NELL2: variants seen among roughly 807,000 people sequenced by gnomAD.
NELL2 encodes protein kinase C-binding protein NELL2.
A neutral mutation model predicts 109.6 loss-of-function variants in NELL2; 41 were observed. The ratio of observed to expected loss-of-function variants is 0.37; its 90% CI spans 0.29 to 0.49. NELL2 has a LOEUF of 0.49. Ranked by LOEUF, NELL2 falls within the 20% of genes least tolerant of loss-of-function variation. NELL2 has a pLI of 0.98. For missense variants in NELL2, 900 were observed against 1,008.3 expected (o/e 0.89, Z 1.45); for synonymous variants, 355 against 344.7 (o/e 1.03, Z -0.33).
chr12:44,636,203 T>C (rs1452419885), intron 13 of NELL2, among the ~76,000 whole-genome samples: 1 of 152,160 alleles, frequency 6.6e-6, no homozygotes, highest in East Asian at 1.9e-4. Context: ...TGGGGTGTTC[T>C]ACATATACCA....
At chr12:44,551,416 T>A (rs554738190) in intron 15 of NELL2, among the ~76,000 whole-genome samples, 2 of 152,318 alleles carry the variant, frequency 1.3e-5, no homozygotes, top group Non-Finnish European at 2.9e-5. Context: ...CTCATGAGAA[T>A]CTGCTAATTA....
chr12:44,537,613 A>G (rs2139022177), intron 15 of NELL2, among the ~76,000 whole-genome samples: 1 of 152,278 alleles, frequency 6.6e-6, no homozygotes, highest in South Asian at 2.1e-4. Context: ...GTTAAATTAT[A>G]TTGATAAACA....
intron 12 of NELL2, among the ~76,000 whole-genome samples, chr12:44,699,281 T>C (rs372792612): frequency 6.6e-6 from 1 of 152,100 alleles, no homozygotes; most frequent in East Asian, 1.9e-4. Context: ...GTGATAAGCA[T>C]GCAGTTAACA....
Position 44,544,404 on chromosome 12 carries a change from C to G in NELL2, c.1664-11683G>C, listed in dbSNP as rs191082407. Among the ~76,000 whole-genome samples the G allele has an allele frequency of 2.3e-3, 356 of 152,212 alleles. 1 individual carries two copies. Among genetic ancestry groups the G allele is most frequent in the Non-Finnish European group, 4.1e-3 (279 of 67,980 alleles). On this transcript the variant is annotated intron_variant, in intron 15 of 19. Coordinates refer to ENST00000429094, the MANE Select transcript of NELL2 (RefSeq NM_001145108.2). Reference sequence around the variant, plus strand: ...TTCAGAAGAGAATTAAACCCTAACACACCCTCGTAAGCATGGATAAACTTA... The same window carrying G: ...TTCAGAAGAGAATTAAACCCTAACAGACCCTCGTAAGCATGGATAAACTTA...
intron 13 of NELL2, among the ~76,000 whole-genome samples, chr12:44,633,692 ATGACG>A (rs1232769545): frequency 6.6e-6 from 1 of 152,186 alleles, no homozygotes; most frequent in African/African-American, 2.4e-5. Flanking sequence ...GTAGATTCAT[ATGACG>A]TTCTCCAATA....
chr12:44,764,322 T>C (rs1052309976), intron 9 of NELL2, among the ~76,000 whole-genome samples: 1 of 152,202 alleles, frequency 6.6e-6, no homozygotes, highest in Admixed American at 6.5e-5. Context: ...TCAGAATTGA[T>C]AGTTTCTGTT....
intron 13 of NELL2, among the ~76,000 whole-genome samples, chr12:44,664,334 A>G (rs1027458130): frequency 6.6e-6 from 1 of 152,054 alleles, no homozygotes; most frequent in African/African-American, 2.4e-5. Context: ...AATATCTTCT[A>G]CCTCCAGGAT....
intron 1 of NELL2, among the ~76,000 whole-genome samples, chr12:44,905,443 C>T (rs189624917): frequency 3.3e-5 from 5 of 152,026 alleles, no homozygotes; most frequent in East Asian, 1.9e-4. Context: ...TTACATGAGA[C>T]GACTCTAATT....
chr12:44,533,312 A>G (rs1366395125), intron 15 of NELL2, among the ~76,000 whole-genome samples: 3 of 152,184 alleles, frequency 2.0e-5, no homozygotes, highest in African/African-American at 7.2e-5. Flanking sequence ...ACTCTAATAT[A>G]GATGACAATA....
intron 15 of NELL2, among the ~76,000 whole-genome samples, chr12:44,558,023 T>C (rs1468637169): frequency 4.6e-5 from 7 of 151,998 alleles, no homozygotes; most frequent in African/African-American, 1.7e-4. Flanking sequence ...GAATGGAACA[T>C]CAAGAAAATA....
intron 19 of NELL2, among the ~76,000 whole-genome samples, chr12:44,519,103 G>A (rs1007640047): frequency 6.6e-6 from 1 of 151,958 alleles, no homozygotes; most frequent in Admixed American, 6.6e-5. Context: ...TTGCTCTGTA[G>A]GAAAAAAATT....
chr12:44,711,370 T>C lies in NELL2; in HGVS notation c.1111A>G (p.Ser371Gly). The C allele has an allele frequency of 6.2e-7, 1 of 1,612,424 alleles. No homozygotes were observed. Among genetic ancestry groups the C allele is most frequent in the African/African-American group, 1.3e-5 (1 of 74,962 alleles). ...CAATCCAAAGCTGGACAGCCTGAACTCTCAACAAGTTTCATGGTCTGGTCC... is the reference window on the plus strand; with the variant it reads ...CAATCCAAAGCTGGACAGCCTGAACCCTCAACAAGTTTCATGGTCTGGTCC... ...CKDQTMKLVE[S>G]SGCPALDCPE... The change falls in exon 11 of 20, where the codon AGT becomes GGT. Residue 371 changes from serine (S) to glycine (G), a missense_variant. Transcript: ENST00000429094.
intron 12 of NELL2, among the ~76,000 whole-genome samples, chr12:44,669,968 G>T (rs1359376506): frequency 6.6e-6 from 1 of 152,138 alleles, no homozygotes; most frequent in Non-Finnish European, 1.5e-5. Context: ...ACTGTCAAAA[G>T]TCAAAGACAA....
At chr12:44,868,747 T>C (rs1196816535) in intron 2 of NELL2, among the ~76,000 whole-genome samples, 1 of 152,068 alleles carries the variant, frequency 6.6e-6, no homozygotes. Flanking sequence ...TGGGGGATAG[T>C]TGTTGGGGAG....
intron 9 of NELL2, among the ~76,000 whole-genome samples, chr12:44,718,971 C>T (rs944912962): frequency 1.3e-5 from 2 of 152,140 alleles, no homozygotes; most frequent in South Asian, 4.1e-4. Flanking sequence ...TTAACAACAA[C>T]TTGGAGAAAT....
chr12:44,548,142 A>G (rs1049178232), intron 15 of NELL2, among the ~76,000 whole-genome samples: 1 of 152,184 alleles, frequency 6.6e-6, no homozygotes, highest in Non-Finnish European at 1.5e-5. Context: ...ACTCTGGTAA[A>G]GTCATCCTCA....
chr12:44,701,913 A>G (rs567489715), intron 12 of NELL2, among the ~76,000 whole-genome samples: 9 of 150,844 alleles, frequency 6.0e-5, no homozygotes, highest in African/African-American at 2.2e-4. Flanking sequence ...ACTTTCCTAC[A>G]TTACCTGGCC....
At chr12:44,682,169 A>T (rs1306335674) in intron 12 of NELL2, among the ~76,000 whole-genome samples, 1,423 of 141,844 alleles carry the variant, frequency 0.01, 49 homozygotes, top group African/African-American at 0.041. Context: ...TGATGGCCAG[A>T]GATGGTGAGC....
intron 15 of NELL2, among the ~76,000 whole-genome samples, chr12:44,533,830 T>G (rs540557000): frequency 1.3e-5 from 2 of 152,266 alleles, no homozygotes; most frequent in Non-Finnish European, 2.9e-5. Flanking sequence ...TATGATCCAA[T>G]GGTGCTGAAC....
Sources: gnomAD v4.1 joint callset for allele counts (sites outside exome capture counted in the v4.1 genomes callset) on GRCh38, gnomAD v4.1.1 for gene constraint, MANE v1.5 for transcripts, NCBI Gene and HGNC (gene_info 2026-07-23, HGNC 2026-07-21) for gene names.